The following RAB27A variants were observed in gnomAD, a reference collection of about 807,000 sequenced individuals.
The protein encoded by RAB27A is ras-related protein Rab-27A.
A neutral mutation model predicts 20.8 loss-of-function variants in RAB27A; 17 were observed. That is an observed-to-expected ratio of 0.82 (90% confidence interval 0.56 to 1.23). RAB27A has a LOEUF of 1.23. Among genes scored for constraint, RAB27A ranks in the 50% most tolerant of loss-of-function variants. RAB27A has a pLI of 0.00. For synonymous variants in RAB27A, 85 were observed against 92.8 expected (o/e 0.92, Z 0.48); for missense variants, 277 against 266.7 (o/e 1.04, Z -0.27).
At chr15:55,215,576 C>T (rs1399892617) in intron 6 of RAB27A, among the ~76,000 whole-genome samples, 1 of 141,274 alleles carries the variant, frequency 7.1e-6, no homozygotes, top group Non-Finnish European at 1.5e-5. Flanking sequence ...GGCGTGAACC[C>T]GGGAAGCGGA....
At chr15:55,215,651 C>CAA (rs562538229) in intron 6 of RAB27A, among the ~76,000 whole-genome samples, 2,323 of 76,544 alleles carry the variant, frequency 0.03, 187 homozygotes, top group African/African-American at 0.12. Context: ...GACTCCGTCT[C>CAA]AAAAAAAAAA....
chr15:55,304,115 C>G (rs966613892), intron 2 of RAB27A, among the ~76,000 whole-genome samples: 1 of 152,230 alleles, frequency 6.6e-6, no homozygotes, highest in African/African-American at 2.4e-5. Flanking sequence ...TTGTTCTGCA[C>G]TAAGAAAGGT....
At chr15:55,312,326 G>A (rs986002041) in intron 2 of RAB27A, among the ~76,000 whole-genome samples, 1 of 152,204 alleles carries the variant, frequency 6.6e-6, no homozygotes, top group Non-Finnish European at 1.5e-5. Context: ...AGACTTAATA[G>A]AGTGAAAACA....
chr15:55,316,887 G>A (rs889859897), intron 1 of RAB27A, among the ~76,000 whole-genome samples: 1 of 152,150 alleles, frequency 6.6e-6, no homozygotes, highest in African/African-American at 2.4e-5. Flanking sequence ...GGGATTGAAT[G>A]ACTGCCAAAA....
intron 1 of RAB27A, among the ~76,000 whole-genome samples, chr15:55,278,962 T>C (rs1003805865): frequency 6.6e-6 from 1 of 152,178 alleles, no homozygotes; most frequent in Admixed American, 6.5e-5. Context: ...CTGAAGCAAC[T>C]CCCTACTCCA....
chr15:55,264,550 G>T (rs948265880), intron 2 of RAB27A, among the ~76,000 whole-genome samples: 14 of 152,130 alleles, frequency 9.2e-5, no homozygotes, highest in Admixed American at 4.6e-4. Flanking sequence ...ATGTGGGAAA[G>T]GGTTGTAGTG....
At chr15:55,261,777 T>C (rs570342552) in intron 2 of RAB27A, among the ~76,000 whole-genome samples, 1 of 142,798 alleles carries the variant, frequency 7.0e-6, no homozygotes. Context: ...CAGTGGCTCA[T>C]GCCTGTAATC....
intron 2 of RAB27A, among the ~76,000 whole-genome samples, chr15:55,256,033 A>G (rs768699080): frequency 6.6e-6 from 1 of 152,188 alleles, no homozygotes; most frequent in Non-Finnish European, 1.5e-5. Flanking sequence ...AGGGTACATT[A>G]TGTGAAATGC....
At chr15:55,285,998 T>G (rs1374822360) in intron 1 of RAB27A, among the ~76,000 whole-genome samples, 1 of 152,186 alleles carries the variant, frequency 6.6e-6, no homozygotes, top group Non-Finnish European at 1.5e-5. Context: ...CTATTATTTT[T>G]GGGAAAGTAG....
chr15:55,274,207 A>G (rs914026940), intron 1 of RAB27A, among the ~76,000 whole-genome samples: 1 of 152,186 alleles, frequency 6.6e-6, no homozygotes, highest in African/African-American at 2.4e-5. Context: ...ATGAAAATAG[A>G]ATACAACACA....
At chr15:55,251,192 A>C (rs1382491741) in intron 2 of RAB27A, among the ~76,000 whole-genome samples, 1 of 152,202 alleles carries the variant, frequency 6.6e-6, no homozygotes, top group Non-Finnish European at 1.5e-5. Context: ...CACCTCTCAG[A>C]TATCACCTTA....
intron 2 of RAB27A, among the ~76,000 whole-genome samples, chr15:55,265,062 G>C (rs777059932): frequency 1.3e-5 from 2 of 152,106 alleles, no homozygotes; most frequent in Non-Finnish European, 2.9e-5. Context: ...GACCAACATG[G>C]TGAAACCCCA....
At chr15:55,236,966 C>T (rs1299052544) in intron 2 of RAB27A, among the ~76,000 whole-genome samples, 1 of 152,108 alleles carries the variant, frequency 6.6e-6, no homozygotes, top group Non-Finnish European at 1.5e-5. Context: ...TAACCATATG[C>T]TTGTACACAT....
At chr15:55,276,977 C>G (rs12591534) in intron 1 of RAB27A, among the ~76,000 whole-genome samples, 15,619 of 152,114 alleles carry the variant, frequency 0.1, 1,017 homozygotes, top group Middle Eastern at 0.16. Context: ...GACTTTTTAT[C>G]TGTCAATAAT....
rs867492464 is a variant in RAB27A, at chr15:55,302,725, C to T, written c.-112+11314G>A. On this transcript the variant is annotated intron_variant, in intron 2 of 5. Transcript: ENST00000563262. ...GATGTGGGGAGCGCCTCTGCCCCGC[C>T]GCCCCATCTGGGATGTGAGGAGCAC... Among the ~76,000 whole-genome samples, 10 of 120,318 alleles carry T rather than the reference C, an allele frequency of 8.3e-5. 1 individual carries two copies. Among genetic ancestry groups the T allele is most frequent in the East Asian group, 3.2e-4 (1 of 3,132 alleles). 78.9% of individuals were successfully genotyped at this position (120,318 alleles called of 152,430 possible). A position where few individuals can be genotyped will look rare whatever the true frequency, so the allele number is the denominator to read the frequency against.
At chr15:55,227,210 G>C (rs1213690123) in intron 5 of RAB27A, among the ~76,000 whole-genome samples, 1 of 152,156 alleles carries the variant, frequency 6.6e-6, no homozygotes, top group Admixed American at 6.5e-5. Context: ...AGTTAGCCAG[G>C]ATAGGCAATA....
At chr15:55,230,608 A>G in intron 3 of RAB27A, 122 bp from the exon 4 acceptor site, 1 of 727,488 alleles carries the variant, frequency 1.4e-6, no homozygotes, top group East Asian at 2.6e-5. Flanking sequence ...GCCATCTGGA[A>G]TACAACCATG....
intron 2 of RAB27A, among the ~76,000 whole-genome samples, chr15:55,256,407 C>G (rs1897080321): frequency 6.6e-6 from 1 of 152,024 alleles, no homozygotes; most frequent in Non-Finnish European, 1.5e-5. Flanking sequence ...GAGTGAGACC[C>G]TGTCTCAAAA....
intron 2 of RAB27A, among the ~76,000 whole-genome samples, chr15:55,299,275 G>A (rs967038843): frequency 5.3e-5 from 8 of 152,102 alleles, no homozygotes; most frequent in East Asian, 1.9e-4. Context: ...GGCTTCAGCC[G>A]GTCCCTCCAT....
Sources: allele counts gnomAD v4.1 joint callset (sites outside exome capture counted in the v4.1 genomes callset), GRCh38; gene constraint gnomAD v4.1.1; transcripts MANE v1.5; gene names NCBI Gene and HGNC (gene_info 2026-07-23, HGNC 2026-07-21).